ROBO2: variants seen among roughly 807,000 people sequenced by gnomAD.
The protein encoded by ROBO2 is roundabout guidance receptor 2, also known as roundabout homolog 2.
Under a neutral mutation model 160.8 loss-of-function variants are expected in ROBO2, and 53 were observed. The ratio of observed to expected loss-of-function variants is 0.33; its 90% confidence interval spans 0.26 to 0.41. The LOEUF is 0.41. ROBO2 is among the 10% of genes least tolerant of loss of function. The probability of loss-of-function intolerance (pLI) is 1.00; values close to 1 mark genes in which losing one functional copy is unlikely to be tolerated. For missense variants in ROBO2, 1,577 were observed against 1,722.4 expected, an observed-to-expected ratio of 0.92 and a Z score of 1.49; for synonymous variants, 664 against 611.7, an observed-to-expected ratio of 1.09 and a Z score of -1.26.
intron 2 of ROBO2, among the ~76,000 whole-genome samples, chr3:76,798,290 A>AAG (rs1288046885): frequency 6.6e-6 from 1 of 150,896 alleles, no homozygotes; most frequent in South Asian, 2.1e-4. Context: ...GAAAGAAAGA[A>AAG]AGAAAGAAAG....
At chr3:76,297,590 A>T (rs975465439) in intron 2 of ROBO2, among the ~76,000 whole-genome samples, 8 of 151,940 alleles carry the variant, frequency 5.3e-5, no homozygotes, top group African/African-American at 1.7e-4. Flanking sequence ...TCTTTTTAAA[A>T]TGGCGCCTAA....
intron 2 of ROBO2, chr3:76,434,058 C>T (rs1391657535): frequency 1.5e-6 from 2 of 1,302,344 alleles, no homozygotes; most frequent in South Asian, 1.2e-5. Context: ...CTGGAGAGGG[C>T]AGTGGGCCTC....
At chr3:76,215,530 C>T (rs920387573) in intron 2 of ROBO2, among the ~76,000 whole-genome samples, 6 of 151,976 alleles carry the variant, frequency 3.9e-5, no homozygotes, top group South Asian at 2.1e-4. Flanking sequence ...CCTCAGTAGT[C>T]GATGTGATCA....
intron 1 of ROBO2, among the ~76,000 whole-genome samples, chr3:77,061,951 T>C (rs11915535): frequency 1.2e-3 from 176 of 152,288 alleles, no homozygotes; most frequent in African/African-American, 4.1e-3. Flanking sequence ...TCTGGTTCTT[T>C]CTTTTTTTTC....
chr3:76,853,157 A>G (rs536647195), intron 2 of ROBO2, among the ~76,000 whole-genome samples: 1 of 152,218 alleles, frequency 6.6e-6, no homozygotes. Flanking sequence ...TTGGAATATA[A>G]TAGACATTTC....
chr3:76,830,242 C>T (rs1183654739), intron 2 of ROBO2, among the ~76,000 whole-genome samples: 3 of 152,112 alleles, frequency 2.0e-5, no homozygotes, highest in Non-Finnish European at 2.9e-5. Context: ...GTATTCAGAA[C>T]CTCAGCCATT....
chr3:76,692,860 ACACT>A (rs1315844039), intron 2 of ROBO2, among the ~76,000 whole-genome samples: 8 of 151,864 alleles, frequency 5.3e-5, no homozygotes, highest in African/African-American at 1.7e-4. Context: ...GAAACAGAAC[ACACT>A]CACAAACACA....
At chr3:77,241,847 C>G (rs2089090830) in intron 2 of ROBO2, among the ~76,000 whole-genome samples, 1 of 152,140 alleles carries the variant, frequency 6.6e-6, no homozygotes, top group Admixed American at 6.5e-5. Flanking sequence ...ATCAGTCTTT[C>G]CTTTATGTGG....
chr3:76,549,450 G>A (rs898642737), intron 2 of ROBO2, among the ~76,000 whole-genome samples: 11 of 152,114 alleles, frequency 7.2e-5, no homozygotes, highest in Non-Finnish European at 1.5e-4. Context: ...CCAGTGCAAC[G>A]GCAGGGAGGA....
At chr3:76,248,548 A>G (rs531332143) in intron 2 of ROBO2, among the ~76,000 whole-genome samples, 13 of 151,590 alleles carry the variant, frequency 8.6e-5, no homozygotes, top group East Asian at 3.9e-4. Flanking sequence ...GCTAGATGAC[A>G]AGTTAGTGGG....
chr3:76,052,930 T>C (rs1383335417), intron 2 of ROBO2, among the ~76,000 whole-genome samples: 1 of 152,058 alleles, frequency 6.6e-6, no homozygotes, highest in South Asian at 2.1e-4. Flanking sequence ...TGTTCAAGTC[T>C]GGATTTTTTT....
intron 2 of ROBO2, among the ~76,000 whole-genome samples, chr3:76,584,659 C>G (rs757436101): frequency 6.6e-6 from 1 of 152,160 alleles, no homozygotes; most frequent in Non-Finnish European, 1.5e-5. Context: ...AATTTATAGA[C>G]AGTAAATATC....
chr3:76,764,688 G>C (rs562552694), intron 2 of ROBO2, among the ~76,000 whole-genome samples: 1 of 151,622 alleles, frequency 6.6e-6, no homozygotes, highest in Non-Finnish European at 1.5e-5. Flanking sequence ...TCTTCTGTAA[G>C]GGAGAGGTCT....
chr3:76,539,192 C>T (rs72902525), intron 2 of ROBO2, among the ~76,000 whole-genome samples: 6,885 of 151,644 alleles, frequency 0.045, 576 homozygotes, highest in African/African-American at 0.16. Context: ...TGGGGCCTGT[C>T]GGGGGATGAG....
At chr3:76,811,385 C>T (rs2065147337) in intron 2 of ROBO2, among the ~76,000 whole-genome samples, 1 of 151,968 alleles carries the variant, frequency 6.6e-6, no homozygotes, top group Non-Finnish European at 1.5e-5. Flanking sequence ...TATGTCATAC[C>T]TTAAAAGGAT....
chr3:76,949,638 G>C (rs1384529309), intron 2 of ROBO2, among the ~76,000 whole-genome samples: 2 of 152,098 alleles, frequency 1.3e-5, no homozygotes, highest in African/African-American at 4.8e-5. Context: ...TATCGTACTT[G>C]TTTACAAAGG....
chr3:77,632,566 A>G (rs904277506), intron 23 of ROBO2: 6 of 1,535,856 alleles, frequency 3.9e-6, no homozygotes, highest in African/African-American at 2.7e-5. Flanking sequence ...AGATGGCTCT[A>G]TCTTTGCCAG....
chr3:76,227,652 CT>C (rs1275156092), intron 2 of ROBO2, among the ~76,000 whole-genome samples: 4 of 152,094 alleles, frequency 2.6e-5, no homozygotes, highest in Admixed American at 2.6e-4. Context: ...AAATCCACAC[CT>C]TTAGTCCAAG....
At chr3:76,912,388 G>GT (rs1381468620) in intron 2 of ROBO2, among the ~76,000 whole-genome samples, 6 of 152,192 alleles carry the variant, frequency 3.9e-5, no homozygotes, top group Admixed American at 3.3e-4. Flanking sequence ...CTTACTTGTA[G>GT]TTTTTTGCAA....
Sources: allele counts gnomAD v4.1 joint callset (sites outside exome capture counted in the v4.1 genomes callset), GRCh38; gene constraint gnomAD v4.1.1; transcripts MANE v1.5; gene names NCBI Gene and HGNC (gene_info 2026-07-23, HGNC 2026-07-21).